RBM28: variants seen among roughly 807,000 people sequenced by gnomAD.
RBM28 encodes RNA binding motif protein 28.
RBM28 carries 78 observed loss-of-function variants against 98.3 expected under a neutral mutation model. That is an observed-to-expected ratio of 0.79 (90% CI 0.66 to 0.96). The LOEUF (loss-of-function observed/expected upper bound fraction) is 0.96. Ranked by LOEUF, RBM28 falls within the 40% of genes least tolerant of loss-of-function variation. RBM28 has a pLI of 0.00. For synonymous variants in RBM28, 306 were observed against 330.9 expected, an observed-to-expected ratio of 0.92 and a Z score of 0.82; for missense variants, 838 against 913.0, an observed-to-expected ratio of 0.92 and a Z score of 1.06.
rs1338998564 is a variant in RBM28 at position 128,309,873 on chromosome 7, A to G, written c.*924T>C. 6.6e-6 allele frequency: 1 copy of G among 152,302 alleles called. No homozygotes were observed. The highest frequency in any genetic ancestry group is 1.5e-5 in the Non-Finnish European group (1 of 68,144). The allele number at this position is 152,302 out of a possible 1,614,324, so 9.4% of individuals were successfully genotyped here. ...CAAGAGATGGAAGGAAGGCCTGTGTAGCCAAAAGTGAATGAAGAAGAGAGT... is the reference window on the plus strand; with the variant it reads ...CAAGAGATGGAAGGAAGGCCTGTGTGGCCAAAAGTGAATGAAGAAGAGAGT... On this transcript the variant is annotated 3_prime_UTR_variant, in exon 19 of 19. Transcript: ENST00000223073.
At chr7:128,325,940 A>T (rs1796340529) in intron 10 of RBM28, 49 bp from the exon 11 acceptor site, 2 of 1,421,974 alleles carry the variant, frequency 1.4e-6, no homozygotes, top group Middle Eastern at 1.7e-4. Context: ...CCACAGATAA[A>T]CCAAAGACAA....
intron 11 of RBM28, among the ~76,000 whole-genome samples, chr7:128,325,152 G>A (rs943032837): frequency 1.9e-4 from 29 of 152,302 alleles, no homozygotes; most frequent in African/African-American, 6.5e-4. Flanking sequence ...GCCCTACGAC[G>A]TTTCAGCTCA....
chr7:128,333,155 A>T, intron 9 of RBM28, 135 bp downstream of exon 9: 1 of 724,864 alleles, frequency 1.4e-6, no homozygotes, highest in Non-Finnish European at 2.5e-6. Flanking sequence ...CTCATTGTTT[A>T]GTATGTTCCT....
chr7:128,333,680 T>G (rs1224301789), intron 8 of RBM28, among the ~76,000 whole-genome samples: 1 of 151,916 alleles, frequency 6.6e-6, no homozygotes, highest in Non-Finnish European at 1.5e-5. Flanking sequence ...ATTGAGCCAT[T>G]GCACTCCAGC....
At chr7:128,339,486 T>C in intron 2 of RBM28, 147 bp downstream of exon 2, 1 of 1,196,478 alleles carries the variant, frequency 8.4e-7, no homozygotes, top group Non-Finnish European at 1.2e-6. Flanking sequence ...AAAATGAGTA[T>C]CACAATACAC....
At chr7:128,312,286 G>A (rs1176882671) in intron 18 of RBM28, among the ~76,000 whole-genome samples, 6 of 152,126 alleles carry the variant, frequency 3.9e-5, no homozygotes, top group African/African-American at 9.7e-5. Flanking sequence ...GCATGGTGGC[G>A]CATGCCTGTA....
At chr7:128,329,260 C>T (rs1218538000) in intron 10 of RBM28, among the ~76,000 whole-genome samples, 3 of 152,088 alleles carry the variant, frequency 2.0e-5, no homozygotes, top group South Asian at 4.1e-4. Flanking sequence ...CCACCACGCC[C>T]GGCTAATTTT....
intron 18 of RBM28, 149 bp from the exon 19 acceptor site, chr7:128,311,080 G>T (rs543318949): frequency 6.0e-5 from 48 of 802,888 alleles, no homozygotes; most frequent in Non-Finnish European, 9.5e-5. Context: ...CTCTTAGAGA[G>T]AAAGGCTCAA....
chr7:128,315,095 C>A, intron 16 of RBM28, 75 bp from the exon 17 acceptor site: 1 of 1,584,512 alleles, frequency 6.3e-7, no homozygotes, highest in Non-Finnish European at 8.7e-7. Flanking sequence ...AGAAGATGAG[C>A]TTTATGTGAG....
chr7:128,338,407 A>G, intron 4 of RBM28, 65 bp from the exon 5 acceptor site: 1 of 1,336,764 alleles, frequency 7.5e-7, no homozygotes, highest in Non-Finnish European at 1.1e-6. Context: ...ACTAAGAAGT[A>G]AATTACTGCA....
rs917660563 is a variant in RBM28 at position 128,299,816 on chromosome 7, T to C, written c.*10981A>G. 1 of 151,892 alleles carries C rather than the reference T, an allele frequency of 6.6e-6. No homozygotes were observed. The highest frequency in any genetic ancestry group is 1.5e-5 in the Non-Finnish European group (1 of 67,812). The allele number at this position is 151,892 out of a possible 1,614,324, so 9.4% of individuals were successfully genotyped here. On this transcript the variant is annotated 3_prime_UTR_variant, in exon 19 of 19. Transcript: ENST00000223073. Reference sequence around the variant, plus strand: ...ATGTAATCAAATTAAGATGAAATCATTGGGCTGGGCCTAAGCCAATATGAC... The same window carrying C: ...ATGTAATCAAATTAAGATGAAATCACTGGGCTGGGCCTAAGCCAATATGAC...
chr7:128,312,680 C>G (rs898896719), intron 18 of RBM28, among the ~76,000 whole-genome samples: 2 of 152,044 alleles, frequency 1.3e-5, no homozygotes, highest in South Asian at 4.2e-4. Context: ...CCGACTCATA[C>G]TAACCAAGTA....
At position 128,317,743 on chromosome 7, in the gene RBM28, G is replaced by A. The variant is rs763397461; in HGVS notation, c.1714-10C>T. 1.5e-5 allele frequency: 23 copies of A among 1,581,306 alleles called. No individual in the cohort carries two copies. The Middle Eastern group carries it at 6.6e-4, about 46-fold the overall frequency. On this transcript the variant is annotated splice_polypyrimidine_tract_variant and intron_variant, in intron 15 of 18. Coordinates refer to ENST00000223073, the MANE Select transcript of RBM28 (RefSeq NM_018077.3). Reference sequence around the variant, plus strand: ...ACTCCACTATTGGTCTCTGTCAGAGGGAGACAGAATGCCATTCATTAGACT... The same window carrying A: ...ACTCCACTATTGGTCTCTGTCAGAGAGAGACAGAATGCCATTCATTAGACT...
chr7:128,335,939 A>G lies in RBM28; in HGVS notation c.717T>C (p.Asp239=), dbSNP rs935930008. 6.2e-7 allele frequency: 1 copy of G among 1,604,524 alleles called. No homozygotes were observed. The highest frequency in any genetic ancestry group is 1.3e-5 in the African/African-American group (1 of 74,586). The change falls in exon 7 of 19, where the codon GAT becomes GAC. Residue 239 remains aspartate, a synonymous_variant. Transcript: ENST00000223073. ...EEEENDDDDD[D]DDEEDGVFDD... ...CAAAAACCCCATCTTCTTCATCATC[A>G]TCATCGTCATCATCATCGTTTTCTT...
chr7:128,330,393 T>G (rs1044832517), intron 10 of RBM28, among the ~76,000 whole-genome samples: 1 of 149,164 alleles, frequency 6.7e-6, no homozygotes, highest in East Asian at 1.9e-4. Context: ...TTTTTTTTTT[T>G]TCGTGGAAAC....
chr7:128,329,615 G>A (rs980256925), intron 10 of RBM28, among the ~76,000 whole-genome samples: 2 of 152,062 alleles, frequency 1.3e-5, no homozygotes, highest in African/African-American at 2.4e-5. Flanking sequence ...AGAACTTAAC[G>A]CCGGGCGCGC....
In RBM28 at chr7:128,314,837, G is replaced by A. The variant is rs955550008; in HGVS notation, c.1972C>T (p.Gln658Ter). The A allele has an allele frequency of 1.2e-6, 2 of 1,614,054 alleles. No homozygotes were observed. The highest frequency in any genetic ancestry group is 1.7e-6 in the Non-Finnish European group (2 of 1,180,028). The change falls in exon 17 of 19, where the codon CAG becomes TAG. Residue 658 changes from glutamine to a stop codon, truncating the protein, a stop_gained. Coordinates refer to ENST00000223073, the MANE Select transcript of RBM28 (RefSeq NM_018077.3). LOFTEE classifies it high-confidence loss of function. Reference sequence around the variant, plus strand: ...TTCTTTCCATCAGGCAGCTCCACCTGCTCCACTTCAGCCTTGGTCTGGAAC... The same window carrying A: ...TTCTTTCCATCAGGCAGCTCCACCTACTCCACTTCAGCCTTGGTCTGGAAC... ...TGFQTKAEVE[Q>*]VELPDGKKRR... is the part of the protein sequence containing the mutation.
chr7:128,330,890 T>C lies in RBM28; in HGVS notation c.1058A>G (p.Glu353Gly), dbSNP rs767032475. The change falls in exon 10 of 19, where the codon GAG (glutamate) becomes GGG (glycine). Residue 353 changes from glutamate (E) to glycine (G), a missense_variant. By Grantham distance (98) the Glu-to-Gly change is moderately conservative. Coordinates refer to ENST00000223073, the MANE Select transcript of RBM28 (RefSeq NM_018077.3). ...SFDSEEEELGELLQQFGELKY... is the reference protein window; with the variant it reads ...SFDSEEEELGGLLQQFGELKY... ...GAGTTCTCCAAACTGTTGGAGAAGCTCCCCAAGTTCTTCTTCTTCTGAGTC... is the reference window on the plus strand; with the variant it reads ...GAGTTCTCCAAACTGTTGGAGAAGCCCCCCAAGTTCTTCTTCTTCTGAGTC... The C allele has an allele frequency of 4.3e-6, 7 of 1,613,964 alleles. No homozygotes were observed. Among genetic ancestry groups the C allele is most frequent in the Non-Finnish European group, 5.9e-6 (7 of 1,179,946 alleles).
Position 128,335,565 on chromosome 7 carries a change from G to A in RBM28, c.924C>T (p.Ser308=), listed in dbSNP as rs1390182300. 8 of 1,614,038 alleles carry A rather than the reference G, an allele frequency of 5.0e-6. No individual in the cohort carries two copies. The highest frequency in any genetic ancestry group is 2.2e-5 in the East Asian group (1 of 44,896). Residue 308 remains serine, a synonymous_variant, in exon 8 of 19, where the codon AGC becomes AGT. Transcript: ENST00000223073. The part of the protein sequence containing the change: ...DGEELAQSDT[S]TEEQEDKAVQ... ...AACCTTTATCCTCTTGCTCCTCAGTGCTGGTATCACTCTGAGCCAGTTCCT... is the reference window on the plus strand; with the variant it reads ...AACCTTTATCCTCTTGCTCCTCAGTACTGGTATCACTCTGAGCCAGTTCCT...
Sources: gnomAD v4.1 joint callset for allele counts (sites outside exome capture counted in the v4.1 genomes callset) on GRCh38, gnomAD v4.1.1 for gene constraint, MANE v1.5 for transcripts, NCBI Gene and HGNC (gene_info 2026-07-23, HGNC 2026-07-21) for gene names.